Variants in ESR1 observed in about 807,000 individuals in gnomAD.
ESR1 encodes estrogen receptor 1.
Under a neutral mutation model 52.7 loss-of-function variants are expected in ESR1, and 12 were observed. That is an observed-to-expected ratio of 0.23 (90% CI 0.15 to 0.37). The LOEUF is 0.37. ESR1 is among the 10% of genes least tolerant of loss of function. The pLI is 1.00. For synonymous variants in ESR1, 305 were observed against 316.8 expected (o/e 0.96, Z 0.39); for missense variants, 584 against 779.7 (o/e 0.75, Z 2.99).
chr6:152,120,353 G>A (rs180962490), intron 6 of ESR1, among the ~76,000 whole-genome samples: 92 of 152,246 alleles, frequency 6.0e-4, no homozygotes, highest in Non-Finnish European at 1.1e-3. Context: ...ACCCTTCAAC[G>A]CCAATGGCCA....
chr6:151,890,267 A>G (rs1794508566), intron 3 of ESR1, among the ~76,000 whole-genome samples: 1 of 151,942 alleles, frequency 6.6e-6, no homozygotes, highest in Non-Finnish European at 1.5e-5. Flanking sequence ...TGTATTTTTT[A>G]GTAGAGATGG....
At chr6:152,110,684 G>A (rs973765020) in intron 6 of ESR1, among the ~76,000 whole-genome samples, 4 of 152,018 alleles carry the variant, frequency 2.6e-5, no homozygotes, top group Admixed American at 6.6e-5. Context: ...CAAAATAAAA[G>A]TTTTTTTCAA....
At chr6:151,848,452 C>T (rs1229531662) in intron 2 of ESR1, among the ~76,000 whole-genome samples, 2 of 127,646 alleles carry the variant, frequency 1.6e-5, no homozygotes, top group Non-Finnish European at 3.3e-5. Flanking sequence ...ACAATGTGCA[C>T]ATGTACACTA....
chr6:151,699,421 T>G (rs1779604951), intron 1 of ESR1, among the ~76,000 whole-genome samples: 1 of 152,246 alleles, frequency 6.6e-6, no homozygotes, highest in South Asian at 2.1e-4. Context: ...TCTTTGGTTC[T>G]AAATTTATTG....
chr6:151,788,482 G>A (rs1434529372), intron 2 of ESR1, among the ~76,000 whole-genome samples: 1 of 141,196 alleles, frequency 7.1e-6, no homozygotes, highest in East Asian at 2.0e-4. Context: ...AGAGAAATGG[G>A]AACACTTATA....
rs142186985 is a variant in ESR1, at chr6:151,792,217, T to C, written c.-70-15626T>C. On this transcript the variant is annotated intron_variant, in intron 2 of 2. Transcript: ENST00000404742. Reference sequence around the variant, plus strand: ...TAAGAGATAAAAAATGGTCCACCTGTACAAGGCACTTGCCAGAATGGAGCT... The same window carrying C: ...TAAGAGATAAAAAATGGTCCACCTGCACAAGGCACTTGCCAGAATGGAGCT... Among the ~76,000 whole-genome samples the C allele has an allele frequency of 7.1e-4, 108 of 152,326 alleles. No homozygotes were observed. The East Asian group carries it at 0.02, about 28-fold the overall frequency.
chr6:151,741,858 T>C (rs1447459030), intron 2 of ESR1, among the ~76,000 whole-genome samples: 1 of 152,234 alleles, frequency 6.6e-6, no homozygotes, highest in Non-Finnish European at 1.5e-5. Context: ...GTTCTCATGT[T>C]GTAGATTAAA....
At chr6:151,903,224 GTCA>G (rs1237710447) in intron 3 of ESR1, among the ~76,000 whole-genome samples, 1 of 152,098 alleles carries the variant, frequency 6.6e-6, no homozygotes, top group Non-Finnish European at 1.5e-5. Context: ...TTCCCTGGAA[GTCA>G]TCATGTTTTC....
chr6:151,924,432 T>C (rs1031967130), intron 3 of ESR1, among the ~76,000 whole-genome samples: 7 of 152,204 alleles, frequency 4.6e-5, no homozygotes, highest in African/African-American at 1.4e-4. Context: ...ATTTTTATTT[T>C]ATTTTGTAAC....
At chr6:151,864,302 G>C (rs1459411562) in intron 2 of ESR1, among the ~76,000 whole-genome samples, 1 of 152,158 alleles carries the variant, frequency 6.6e-6, no homozygotes, top group African/African-American at 2.4e-5. Context: ...CTTCTCAAAA[G>C]AAGACATTTA....
intron 2 of ESR1, among the ~76,000 whole-genome samples, chr6:151,731,236 G>T (rs185758220): frequency 6.6e-6 from 1 of 152,122 alleles, no homozygotes; most frequent in East Asian, 1.9e-4. Context: ...CATGCCTGTA[G>T]TCCCAGCTAC....
chr6:151,875,207 A>G (rs1318221364), intron 2 of ESR1, among the ~76,000 whole-genome samples: 2 of 152,222 alleles, frequency 1.3e-5, no homozygotes, highest in Non-Finnish European at 2.9e-5. Flanking sequence ...CTTTATGTTC[A>G]TGTCTGGCCT....
At chr6:151,781,320 A>G (rs1245619835) in intron 2 of ESR1, among the ~76,000 whole-genome samples, 3 of 152,228 alleles carry the variant, frequency 2.0e-5, no homozygotes, top group East Asian at 1.9e-4. Flanking sequence ...ATGTGTCTAC[A>G]TGGTGGAAGG....
chr6:151,844,686 T>G (rs751691918), intron 2 of ESR1, among the ~76,000 whole-genome samples: 34 of 152,204 alleles, frequency 2.2e-4, no homozygotes, highest in Non-Finnish European at 4.1e-4. Flanking sequence ...TAATGTTTAT[T>G]TATCTGATCT....
intron 5 of ESR1, among the ~76,000 whole-genome samples, chr6:152,012,052 A>ACTTACACT (rs2042820970): frequency 7.0e-6 from 1 of 143,374 alleles, no homozygotes; most frequent in Non-Finnish European, 1.5e-5. Flanking sequence ...ACACACTCAC[A>ACTTACACT]CTCTCTCTCT....
At chr6:151,836,385 G>A (rs1783335309) in intron 1 of ESR1, among the ~76,000 whole-genome samples, 1 of 152,150 alleles carries the variant, frequency 6.6e-6, no homozygotes, top group Admixed American at 6.6e-5. Flanking sequence ...TGGCAATAGA[G>A]TGTGTGCAAG....
chr6:151,782,074 T>G (rs1374943453), intron 2 of ESR1, among the ~76,000 whole-genome samples: 1 of 152,282 alleles, frequency 6.6e-6, no homozygotes, highest in Non-Finnish European at 1.5e-5. Flanking sequence ...TTAGAAAAAG[T>G]TGGGATCTTG....
chr6:151,977,951 GA>G (rs576847510), intron 4 of ESR1, among the ~76,000 whole-genome samples: 1,572 of 68,706 alleles, frequency 0.023, 29 homozygotes, highest in East Asian at 0.15. Flanking sequence ...GAGACAGCAG[GA>G]AAAAAAAAAA....
intron 2 of ESR1, among the ~76,000 whole-genome samples, chr6:151,781,804 C>A (rs528529): frequency 0.59 from 81,637 of 138,424 alleles, 22,406 homozygotes; most frequent in East Asian, 0.72. Flanking sequence ...GTATTGTGCA[C>A]AAAAAAAAAA....
Sources: gnomAD v4.1 joint callset for allele counts (sites outside exome capture counted in the v4.1 genomes callset) on GRCh38, gnomAD v4.1.1 for gene constraint, MANE v1.5 for transcripts, NCBI Gene and HGNC (gene_info 2026-07-23, HGNC 2026-07-21) for gene names.